The following MACROD2 variants were observed in gnomAD, a reference collection of about 807,000 sequenced individuals.
The protein encoded by MACROD2 is ADP-ribose glycohydrolase MACROD2.
In MACROD2, 36 loss-of-function variants were observed where a neutral mutation model predicts 70.4. That is an observed-to-expected ratio of 0.51 (90% CI 0.39 to 0.68). The LOEUF is 0.68. Ranked by LOEUF, MACROD2 falls within the 30% of genes least tolerant of loss-of-function variation. The probability of loss-of-function intolerance (pLI) is 0.00; values close to 1 mark genes in which losing one functional copy is unlikely to be tolerated. For synonymous variants in MACROD2, 172 were observed against 178.8 expected (o/e 0.96, Z 0.30); for missense variants, 496 against 538.4 (o/e 0.92, Z 0.78).
chr20:14,926,533 A>G (rs917722763), intron 5 of MACROD2, among the ~76,000 whole-genome samples: 1 of 149,766 alleles, frequency 6.7e-6, no homozygotes, highest in Non-Finnish European at 1.5e-5. Flanking sequence ...CTGGTGACAG[A>G]GCAAGACTCC....
intron 5 of MACROD2, among the ~76,000 whole-genome samples, chr20:14,696,148 C>G (rs2071123339): frequency 6.6e-6 from 1 of 152,074 alleles, no homozygotes; most frequent in Admixed American, 6.5e-5. Flanking sequence ...ATTGGAAAAA[C>G]TATTATGAAC....
intron 3 of MACROD2, among the ~76,000 whole-genome samples, chr20:14,370,702 C>A (rs1018677005): frequency 6.6e-6 from 1 of 152,144 alleles, no homozygotes; most frequent in Admixed American, 6.5e-5. Context: ...GGCTCCAATC[C>A]ATTGGTGTCA....
chr20:14,594,558 TA>T (rs1981994165), intron 4 of MACROD2, among the ~76,000 whole-genome samples: 2 of 152,206 alleles, frequency 1.3e-5, no homozygotes, highest in Admixed American at 1.3e-4. Flanking sequence ...TTCTTTAAAA[TA>T]AATACATATG....
intron 3 of MACROD2, among the ~76,000 whole-genome samples, chr20:14,421,202 T>C (rs2083872938): frequency 6.6e-6 from 1 of 152,238 alleles, no homozygotes; most frequent in Admixed American, 6.5e-5. Flanking sequence ...TTGGTTTTGT[T>C]ATCAGGGCAA....
At chr20:14,033,079 GT>G (rs1286288311) in intron 2 of MACROD2, among the ~76,000 whole-genome samples, 1 of 125,494 alleles carries the variant, frequency 8.0e-6, no homozygotes, top group Non-Finnish European at 1.7e-5. Flanking sequence ...CAGAAGCTTG[GT>G]TTTTCTTTTT....
At chr20:14,537,386 C>G (rs562684533) in intron 4 of MACROD2, among the ~76,000 whole-genome samples, 2 of 152,204 alleles carry the variant, frequency 1.3e-5, no homozygotes, top group East Asian at 1.9e-4. Flanking sequence ...TATAAAATAG[C>G]CTCAGAATTG....
chr20:15,738,085 T>C (rs1202564284), intron 8 of MACROD2, among the ~76,000 whole-genome samples: 1 of 152,068 alleles, frequency 6.6e-6, no homozygotes, highest in South Asian at 2.1e-4. Flanking sequence ...GAAGTTAGAA[T>C]GGGTACAAAA....
intron 8 of MACROD2, among the ~76,000 whole-genome samples, chr20:15,757,618 C>T (rs1396503279): frequency 6.6e-6 from 1 of 152,150 alleles, no homozygotes; most frequent in African/African-American, 2.4e-5. Context: ...ATACAATAGA[C>T]TGGGTGATCT....
intron 12 of MACROD2, among the ~76,000 whole-genome samples, chr20:15,946,331 C>T (rs1035457311): frequency 1.3e-5 from 2 of 152,094 alleles, no homozygotes; most frequent in Admixed American, 6.5e-5. Flanking sequence ...TAACTAGAAC[C>T]TTTACTCCAT....
chr20:14,682,703 A>C lies in MACROD2; in HGVS notation c.302-2140A>C, dbSNP rs940376393. ...TTATTTAACCAGCTCCTGTTGATGG[A>C]CATCTGAGTAGATCCAAGTTTTCAC... On this transcript the variant is annotated intron_variant, in intron 4 of 17. Transcript: ENST00000684519. 2.0e-5 allele frequency among the ~76,000 whole-genome samples: 3 copies of C among 152,026 alleles called. No homozygotes were observed. The South Asian group carries it at 6.2e-4, about 32-fold the overall frequency.
chr20:15,301,397 A>G, intron 6 of MACROD2, among the ~76,000 whole-genome samples: 1 of 152,168 alleles, frequency 6.6e-6, no homozygotes. Context: ...CAGAGAAAGC[A>G]GCTCAAAGAG....
intron 4 of MACROD2, among the ~76,000 whole-genome samples, chr20:14,634,109 C>A (rs1352255986): frequency 6.6e-6 from 1 of 152,206 alleles, no homozygotes; most frequent in African/African-American, 2.4e-5. Context: ...ACCCGCCACA[C>A]CCCCACTTCT....
intron 5 of MACROD2, among the ~76,000 whole-genome samples, chr20:15,222,941 A>T (rs561331827): frequency 6.6e-6 from 1 of 152,202 alleles, no homozygotes; most frequent in South Asian, 2.1e-4. Context: ...TTCAATTTAC[A>T]CTTTTGGAAA....
At chr20:15,472,768 A>G (rs1486981637) in intron 7 of MACROD2, among the ~76,000 whole-genome samples, 1 of 152,006 alleles carries the variant, frequency 6.6e-6, no homozygotes, top group Non-Finnish European at 1.5e-5. Context: ...GTTCTTTCCC[A>G]TAACTAAACT....
intron 5 of MACROD2, among the ~76,000 whole-genome samples, chr20:14,729,528 C>T (rs2071569033): frequency 6.6e-6 from 1 of 152,138 alleles, no homozygotes; most frequent in African/African-American, 2.4e-5. Context: ...TTCTTAACGT[C>T]TCTGTGGGGG....
chr20:15,833,240 G>T (rs1302389004), intron 8 of MACROD2, among the ~76,000 whole-genome samples: 1 of 152,148 alleles, frequency 6.6e-6, no homozygotes, highest in Non-Finnish European at 1.5e-5. Context: ...CCTCAAATGA[G>T]AATAATGTCC....
intron 4 of MACROD2, among the ~76,000 whole-genome samples, chr20:14,569,096 C>G (rs1980011111): frequency 6.6e-6 from 1 of 152,060 alleles, no homozygotes; most frequent in Admixed American, 6.6e-5. Context: ...CCATGATTCT[C>G]TTACAACCGG....
chr20:14,412,384 T>TC, intron 3 of MACROD2, among the ~76,000 whole-genome samples: 1 of 152,098 alleles, frequency 6.6e-6, no homozygotes, highest in Middle Eastern at 3.4e-3. Context: ...TACCTCTCAT[T>TC]CCCCCAAATA....
intron 2 of MACROD2, among the ~76,000 whole-genome samples, chr20:14,041,763 A>C (rs2053394274): frequency 6.6e-6 from 1 of 152,240 alleles, no homozygotes; most frequent in Non-Finnish European, 1.5e-5. Context: ...CTCTGTGAGC[A>C]GTATCAAGGT....
Sources: allele counts gnomAD v4.1 joint callset (sites outside exome capture counted in the v4.1 genomes callset), GRCh38; gene constraint gnomAD v4.1.1; transcripts MANE v1.5; gene names NCBI Gene and HGNC (gene_info 2026-07-23, HGNC 2026-07-21).